JADE1: variants seen among roughly 807,000 people sequenced by gnomAD.
JADE1 encodes protein Jade-1.
A neutral mutation model predicts 81.8 loss-of-function variants in JADE1; 14 were observed. That is an observed-to-expected ratio of 0.17 (90% CI 0.11 to 0.27). The LOEUF (loss-of-function observed/expected upper bound fraction) is 0.27. JADE1 is among the 10% of genes least tolerant of loss of function. The pLI, the probability that JADE1 is intolerant of heterozygous loss-of-function variation, is 1.00. For synonymous variants in JADE1, 353 were observed against 391.9 expected, an observed-to-expected ratio of 0.90 and a Z score of 1.17; for missense variants, 690 against 1,047.9, an observed-to-expected ratio of 0.66 and a Z score of 4.71.
At chr4:128,836,833 C>G (rs2125837459) in intron 2 of JADE1, among the ~76,000 whole-genome samples, 2 of 150,500 alleles carry the variant, frequency 1.3e-5, no homozygotes, top group South Asian at 4.2e-4. Flanking sequence ...GCTCACAGCT[C>G]ACTGCAACCT....
chr4:128,842,538 G>A (rs1045470309), intron 2 of JADE1, among the ~76,000 whole-genome samples: 2 of 152,168 alleles, frequency 1.3e-5, no homozygotes, highest in Admixed American at 6.5e-5. Context: ...GACCTCAGGT[G>A]GTCCACCTGC....
chr4:128,840,648 A>G (rs561581402), intron 2 of JADE1, among the ~76,000 whole-genome samples: 19 of 152,246 alleles, frequency 1.2e-4, no homozygotes, highest in Admixed American at 7.8e-4. Flanking sequence ...AGCCACCTTC[A>G]TCTCCAGGTT....
At chr4:128,861,623 T>C in intron 8 of JADE1, 81 bp from the exon 9 acceptor site, 2 of 1,475,876 alleles carry the variant, frequency 1.4e-6, no homozygotes, top group East Asian at 2.3e-5. Flanking sequence ...CATGTGTACA[T>C]GGGGTGCCTA....
intron 1 of JADE1, among the ~76,000 whole-genome samples, chr4:128,825,006 A>G (rs907780705): frequency 6.6e-6 from 1 of 152,280 alleles, no homozygotes; most frequent in East Asian, 1.9e-4. Flanking sequence ...ATAGCATTGA[A>G]TAAACATCCT....
intron 3 of JADE1, 43 bp downstream of exon 3, chr4:128,843,081 A>G (rs1321164512): frequency 3.4e-6 from 5 of 1,483,842 alleles, no homozygotes; most frequent in Non-Finnish European, 4.7e-6. Flanking sequence ...AATATATGCT[A>G]TCCCATATGC....
intron 6 of JADE1, among the ~76,000 whole-genome samples, chr4:128,854,219 A>C (rs1294981664): frequency 6.6e-6 from 1 of 151,352 alleles, no homozygotes; most frequent in Non-Finnish European, 1.5e-5. Flanking sequence ...CAGAGTTGTA[A>C]CTTAAGGCTT....
intron 1 of JADE1, among the ~76,000 whole-genome samples, chr4:128,816,109 C>T (rs907460865): frequency 4.6e-5 from 7 of 151,282 alleles, no homozygotes. Flanking sequence ...TATTTTAATT[C>T]CTGAGACAGG....
intron 8 of JADE1, among the ~76,000 whole-genome samples, chr4:128,859,864 A>G (rs17013848): frequency 0.022 from 3,418 of 152,312 alleles, 110 homozygotes; most frequent in African/African-American, 0.074. Flanking sequence ...ATGATTTTTC[A>G]TATCTTCACA....
chr4:128,812,447 G>A (rs1726538730), intron 1 of JADE1, among the ~76,000 whole-genome samples: 1 of 151,990 alleles, frequency 6.6e-6, no homozygotes, highest in African/African-American at 2.4e-5. Flanking sequence ...ACCCCGGGGT[G>A]CCCCCCTTGC....
At chr4:128,841,706 G>A (rs867185655) in intron 2 of JADE1, among the ~76,000 whole-genome samples, 10 of 152,190 alleles carry the variant, frequency 6.6e-5, no homozygotes, top group Admixed American at 5.2e-4. Flanking sequence ...GGTCTGGCAG[G>A]TTCCTCTGGG....
Position 128,820,436 on chromosome 4 carries a change from A to G in JADE1, c.-27+10559A>G, listed in dbSNP as rs1249272188. Among the ~76,000 whole-genome samples, 3 of 152,214 alleles carry G rather than the reference A, an allele frequency of 2.0e-5. No individual in the cohort carries two copies. In the East Asian group the frequency reaches 5.8e-4, roughly 29 times the overall value. ...TTTCTTTTGGGAAGATTTCTTCTAG[A>G]CACAATCTGTGTTGTGAGACTTGTA... On this transcript the variant is annotated intron_variant, in intron 1 of 10. Coordinates refer to ENST00000226319, the MANE Select transcript of JADE1 (RefSeq NM_199320.4).
chr4:128,848,473 C>G (rs1429560197), intron 4 of JADE1, among the ~76,000 whole-genome samples: 3 of 152,196 alleles, frequency 2.0e-5, no homozygotes, highest in Non-Finnish European at 2.9e-5. Flanking sequence ...GCCACCTTGC[C>G]CCAGCCCAAG....
chr4:128,820,214 C>G (rs1300244038), intron 1 of JADE1, among the ~76,000 whole-genome samples: 1 of 151,948 alleles, frequency 6.6e-6, no homozygotes, highest in Admixed American at 6.6e-5. Context: ...TGGGTTCATG[C>G]AATTCTCCTG....
rs966430027 is a variant in JADE1 at position 128,846,818 on chromosome 4, A to C, written c.296+286A>C. ...AGGCAAATTCCAAGACATCCTGGGA[A>C]GTGATGGGCTAGGGGAGGAAAATTT... On this transcript the variant is annotated intron_variant, in intron 4 of 10. Coordinates refer to ENST00000226319, the MANE Select transcript of JADE1 (RefSeq NM_199320.4). The surrounding 1 kb of genome is among the most constrained non-coding windows in gnomAD (Gnocchi z 4.0). 2.6e-5 allele frequency among the ~76,000 whole-genome samples: 4 copies of C among 152,202 alleles called. No homozygotes were observed. Among genetic ancestry groups the C allele is most frequent in the Non-Finnish European group, 4.4e-5 (3 of 68,036 alleles).
chr4:128,827,068 T>C (rs949723593), intron 1 of JADE1, among the ~76,000 whole-genome samples: 1 of 152,170 alleles, frequency 6.6e-6, no homozygotes. Flanking sequence ...TATTTCTGTT[T>C]AGTAGTCAGT....
intron 6 of JADE1, among the ~76,000 whole-genome samples, 188 bp downstream of exon 6, chr4:128,852,456 C>T (rs1301780740): frequency 6.6e-6 from 1 of 152,238 alleles, no homozygotes; most frequent in Admixed American, 6.5e-5. Context: ...ATATCCTCTG[C>T]TTTTGCAGCC....
chr4:128,812,648 C>G (rs901696440), intron 1 of JADE1, among the ~76,000 whole-genome samples: 1 of 152,200 alleles, frequency 6.6e-6, no homozygotes, highest in African/African-American at 2.4e-5. Context: ...GTCCCGGCGC[C>G]GGTGAATGCT....
chr4:128,818,828 A>G (rs867072274), intron 1 of JADE1, among the ~76,000 whole-genome samples: 2 of 152,284 alleles, frequency 1.3e-5, no homozygotes, highest in African/African-American at 2.4e-5. Flanking sequence ...AAAACCATAC[A>G]GAAACAGGCT....
intron 10 of JADE1, among the ~76,000 whole-genome samples, chr4:128,868,258 T>C (rs1320143758): frequency 6.6e-6 from 1 of 152,210 alleles, no homozygotes; most frequent in African/African-American, 2.4e-5. Context: ...AATGGAGATA[T>C]CGCAAGCTAC....
Sources: gnomAD v4.1 joint callset for allele counts (sites outside exome capture counted in the v4.1 genomes callset) on GRCh38, gnomAD v4.1.1 for gene constraint, Gnocchi (gnomAD v3.1) non-coding constraint, MANE v1.5 for transcripts, NCBI Gene and HGNC (gene_info 2026-07-23, HGNC 2026-07-21) for gene names.